The following CYFIP1 variants were observed in gnomAD, a reference collection of about 807,000 sequenced individuals.
The protein encoded by CYFIP1 is cytoplasmic FMR1-interacting protein 1.
A neutral mutation model predicts 163.5 loss-of-function variants in CYFIP1; 58 were observed. The observed-to-expected ratio is 0.35, with a 90% CI of 0.29 to 0.44. CYFIP1 has a LOEUF of 0.44. CYFIP1 is among the 20% of genes least tolerant of loss of function. CYFIP1 has a pLI of 1.00. For synonymous variants in CYFIP1, 663 were observed against 660.7 expected, an observed-to-expected ratio of 1.00 and a Z score of -0.05; for missense variants, 1,338 against 1,653.8, an observed-to-expected ratio of 0.81 and a Z score of 3.31.
chr15:22,903,247 C>T lies in CYFIP1; in HGVS notation c.2588+459G>A, dbSNP rs895249712. 9.9e-5 allele frequency among the ~76,000 whole-genome samples: 15 copies of T among 152,278 alleles called. 1 individual carries two copies. The highest frequency in any genetic ancestry group is 4.1e-4 in the South Asian group (2 of 4,822). Reference sequence around the variant, plus strand: ...AACCTCAGCCAGAATGACCGCCACCCGGTGTGCGGAGCCCAGGGCAGGGCT... The same window carrying T: ...AACCTCAGCCAGAATGACCGCCACCTGGTGTGCGGAGCCCAGGGCAGGGCT... On this transcript the variant is annotated intron_variant, in intron 22 of 30. Transcript: ENST00000617928.
At position 22,914,652 on chromosome 15, in the gene CYFIP1, C is replaced by T. The variant is rs77824186; in HGVS notation, c.1985+74G>A. 2.3e-3 allele frequency: 3,377 copies of T among 1,462,590 alleles called. 64 individuals carry two copies. The African/African-American group carries it at 0.043, about 19-fold the overall frequency. 90.6% of individuals were successfully genotyped at this position (1,462,590 alleles called of 1,614,324 possible). ...AATACAATACTAAAAACAGTCCCGG[C>T]CTCTCCGCCACCTCCTCTGAGGACC... On this transcript the variant is annotated intron_variant, in intron 17 of 30. Coordinates refer to ENST00000617928, the MANE Select transcript of CYFIP1 (RefSeq NM_014608.6).
chr15:22,975,493 G>A (rs1277097300), intron 1 of CYFIP1, among the ~76,000 whole-genome samples: 1 of 130,684 alleles, frequency 7.7e-6, no homozygotes, highest in African/African-American at 3.5e-5. Context: ...GGTGGCTAAC[G>A]CCTGTAATCC....
Position 22,909,698 on chromosome 15 carries a change from T to C in CYFIP1, c.2269-385A>G, listed in dbSNP as rs77662405. 8.1e-3 allele frequency among the ~76,000 whole-genome samples: 1,229 copies of C among 152,342 alleles called. 13 individuals are homozygous for C. Among genetic ancestry groups the C allele is most frequent in the African/African-American group, 0.027 (1,126 of 41,578 alleles). On this transcript the variant is annotated intron_variant, in intron 20 of 30. Transcript: ENST00000617928. ...ATTTTACTAACTAGTTTTGTGTGTG[T>C]AATGTAACATCACTTTTAATTTTTA...
At chr15:22,938,809 G>A (rs1056615238) in intron 8 of CYFIP1, among the ~76,000 whole-genome samples, 1 of 150,750 alleles carries the variant, frequency 6.6e-6, no homozygotes, top group African/African-American at 2.4e-5. Flanking sequence ...AGGCTGAGGT[G>A]GGAGGATCAC....
chr15:22,939,577 A>AAAG, intron 6 of CYFIP1, 70 bp from the exon 7 acceptor site: 1 of 1,062,602 alleles, frequency 9.4e-7, no homozygotes, highest in Non-Finnish European at 1.3e-6. Context: ...AAAAAAAAAA[A>AAAG]AAAAGCCTGG....
Position 22,873,212 on chromosome 15 carries a change from C to T in CYFIP1, c.3450-240G>A, listed in dbSNP as rs117210137. ...CCTGTCCCTTTTTAGATCATATCCC[C>T]TCTGTGATGAATGACTCTATGGACC... On this transcript the variant is annotated intron_variant, in intron 29 of 30. Transcript: ENST00000617928. Among the ~76,000 whole-genome samples, 159 of 152,248 alleles carry T rather than the reference C, an allele frequency of 1.0e-3. No homozygotes were observed. The East Asian group carries it at 0.011, about 11-fold the overall frequency.
In CYFIP1 at chr15:22,869,273, A is replaced by AT. The variant is rs1595472336; in HGVS notation, c.*754dup. 1 of 151,928 alleles carries AT rather than the reference A, an allele frequency of 6.6e-6. No individual in the cohort carries two copies. Among genetic ancestry groups the AT allele is most frequent in the South Asian group, 2.1e-4 (1 of 4,804 alleles). The allele number at this position is 151,928 out of a possible 1,614,324, so 9.4% of individuals were successfully genotyped here. On this transcript the variant is annotated 3_prime_UTR_variant, in exon 31 of 31. Coordinates refer to ENST00000617928, the MANE Select transcript of CYFIP1 (RefSeq NM_014608.6). ...AGCCAACACGGCCGTTTTACACCTC[A>AT]TTTGCCTGCGGAACCCTAAATATAA... is the stretch of plus-strand genomic sequence containing the variant.
intron 30 of CYFIP1, among the ~76,000 whole-genome samples, chr15:22,870,580 T>A (rs367903962): frequency 6.6e-6 from 1 of 152,176 alleles, no homozygotes; most frequent in Non-Finnish European, 1.5e-5. Flanking sequence ...TCCCAAACTG[T>A]TGGGATTACA....
At position 22,962,927 on chromosome 15, in the gene CYFIP1, A is replaced by G. The variant is rs539422457; in HGVS notation, c.-6-15636T>C. 3.3e-5 allele frequency among the ~76,000 whole-genome samples: 5 copies of G among 152,250 alleles called. 1 individual carries two copies. The East Asian group carries it at 7.7e-4, about 24-fold the overall frequency. The stretch of plus-strand genomic sequence containing the variant: ...TCCTGTCTCCTGCTGCTCAGAACCA[A>G]TGCCATTTGCAGACACTTGGCTGTC... On this transcript the variant is annotated intron_variant, in intron 1 of 30. Transcript: ENST00000617928.
At chr15:22,872,614 G>C in intron 30 of CYFIP1, 1 of 541,592 alleles carries the variant, frequency 1.8e-6, no homozygotes, top group Non-Finnish European at 3.3e-6. Flanking sequence ...AGTACCTTGA[G>C]AAGGAAAACG....
chr15:22,959,272 G>A (rs961036286), intron 1 of CYFIP1, among the ~76,000 whole-genome samples: 8 of 150,874 alleles, frequency 5.3e-5, no homozygotes, highest in African/African-American at 9.7e-5. Flanking sequence ...TCTTTCACCC[G>A]AATCCAGTGC....
At chr15:22,970,881 C>A (rs1003918885) in intron 1 of CYFIP1, among the ~76,000 whole-genome samples, 6 of 151,820 alleles carry the variant, frequency 4.0e-5, no homozygotes, top group Non-Finnish European at 8.8e-5. Context: ...TCGAGACCAT[C>A]CTGGCTAACA....
intron 26 of CYFIP1, among the ~76,000 whole-genome samples, chr15:22,877,419 C>T (rs1420727769): frequency 6.6e-6 from 1 of 152,142 alleles, no homozygotes; most frequent in South Asian, 2.1e-4. Context: ...GCCACAGCAA[C>T]ACAAAATGGA....
intron 1 of CYFIP1, among the ~76,000 whole-genome samples, chr15:22,950,776 G>A (rs1486107633): frequency 6.6e-6 from 1 of 152,196 alleles, no homozygotes; most frequent in Admixed American, 6.5e-5. Context: ...CGGCTGGGTC[G>A]CCAGCATGGG....
At chr15:22,876,601 G>C (rs2141846943) in intron 26 of CYFIP1, among the ~76,000 whole-genome samples, 1 of 152,166 alleles carries the variant, frequency 6.6e-6, no homozygotes, top group South Asian at 2.1e-4. Context: ...CCAGCACTTT[G>C]GGAGGGCGAG....
chr15:22,883,471 G>A (rs966590271), intron 23 of CYFIP1, among the ~76,000 whole-genome samples: 6 of 152,070 alleles, frequency 3.9e-5, no homozygotes, highest in African/African-American at 1.2e-4. Context: ...GTATTAGTCC[G>A]TTTTCACACT....
At chr15:22,933,994 A>C in intron 9 of CYFIP1, 101 bp from the exon 10 acceptor site, 1 of 747,922 alleles carries the variant, frequency 1.3e-6, no homozygotes, top group Non-Finnish European at 2.2e-6. Flanking sequence ...CTTCGGCTTG[A>C]ATGCTACCTC....
intron 21 of CYFIP1, among the ~76,000 whole-genome samples, chr15:22,906,213 TCTC>T (rs1336744695): frequency 2.6e-5 from 4 of 151,134 alleles, no homozygotes. Context: ...TTCAAGCAAT[TCTC>T]CTGCCCCAGC....
intron 23 of CYFIP1, among the ~76,000 whole-genome samples, chr15:22,883,765 C>T (rs1050688254): frequency 6.8e-6 from 1 of 146,538 alleles, no homozygotes; most frequent in Non-Finnish European, 1.5e-5. Context: ...TGCAGTGAGC[C>T]GAGATCGCGC....
Sources: allele counts gnomAD v4.1 joint callset (sites outside exome capture counted in the v4.1 genomes callset), GRCh38; gene constraint gnomAD v4.1.1; transcripts MANE v1.5; gene names NCBI Gene and HGNC (gene_info 2026-07-23, HGNC 2026-07-21).